The following NOC4L variants were observed in gnomAD, a reference collection of about 807,000 sequenced individuals.
The protein encoded by NOC4L is nucleolar complex associated 4 homolog.
A neutral mutation model predicts 62.8 loss-of-function variants in NOC4L; 40 were observed. The observed-to-expected ratio is 0.64, with a 90% CI of 0.49 to 0.83. The LOEUF (loss-of-function observed/expected upper bound fraction) is 0.83. Ranked by LOEUF, NOC4L falls within the 40% of genes least tolerant of loss-of-function variation. The pLI, the probability that NOC4L is intolerant of heterozygous loss-of-function variation, is 0.00. For synonymous variants in NOC4L, 433 were observed against 299.8 expected, an observed-to-expected ratio of 1.44 and a Z score of -4.59; for missense variants, 927 against 701.9, an observed-to-expected ratio of 1.32 and a Z score of -3.62.
rs1201123147 is a variant in NOC4L, at chr12:132,145,038, C to G, written c.238+64C>G. On this transcript the variant is annotated intron_variant, in intron 2 of 14. Transcript: ENST00000330579. ...CGTGGGTCGGAGGGAGGCTTTGTCA[C>G]CATGGGATGAGCGCCCCCAACCCTG... is the stretch of plus-strand genomic sequence containing the variant. The G allele has an allele frequency of 2.6e-6, 4 of 1,519,198 alleles. No individual in the cohort carries two copies. The African/African-American group carries it at 5.5e-5, about 21-fold the overall frequency. The allele number at this position is 1,519,198 out of a possible 1,614,324, so 94.1% of individuals were successfully genotyped here.
rs1488165669 is a variant in NOC4L, at chr12:132,144,507, G to C, written c.19G>C (p.Ala7Pro). 1 of 1,519,994 alleles carries C rather than the reference G, an allele frequency of 6.6e-7. No individual in the cohort carries two copies. The highest frequency in any genetic ancestry group is 1.2e-5 in the South Asian group (1 of 81,788). The allele number at this position is 1,519,994 out of a possible 1,614,324, so 94.2% of individuals were successfully genotyped here. The change falls in exon 1 of 15, where the codon GCC becomes CCC. Residue 7 changes from alanine (A) to proline (P), a missense_variant. Coordinates refer to ENST00000330579, the MANE Select transcript of NOC4L (RefSeq NM_024078.3). ...GGGCGGCATGGAGCGGGAGCCGGGC[G>C]CCGCGGGAGTTCGCCGGGCTCTGGG... The part of the protein sequence containing the change: MEREPG[A>P]AGVRRALGRR...
rs537295407 is a variant in NOC4L at position 132,146,062 on chromosome 12, C to T, written c.345+397C>T. ...TTACCGTTTAAAGCTGAGAAGTTAG[C>T]ATCTGTTACTGTGTTGTGCAGTGGT... On this transcript the variant is annotated intron_variant, in intron 3 of 14. Transcript: ENST00000330579. Among the ~76,000 whole-genome samples the T allele has an allele frequency of 4.6e-5, 7 of 152,296 alleles. No homozygotes were observed. In the East Asian group the frequency reaches 7.7e-4, roughly 17 times the overall value.
intron 10 of NOC4L, 26 bp downstream of exon 10, chr12:132,151,067 T>A (rs1897919789): frequency 6.3e-7 from 1 of 1,597,668 alleles, no homozygotes; most frequent in Admixed American, 1.7e-5. Context: ...GGTGCAGGTC[T>A]TCTTCCCAGT....
rs1314338955 is a variant in NOC4L, at chr12:132,151,779, G to A, written c.1276G>A (p.Ala426Thr). The stretch of plus-strand genomic sequence containing the variant: ...CTACGACCCTGGAGAGGAGGACCCA[G>A]CCCAGAGCCGGGCCTTGGAGAGCTC... ...DPYDPGEEDP[A>T]QSRALESSLW... The change falls in exon 13 of 15, where the codon GCC becomes ACC. Residue 426 changes from alanine (A) to threonine (T), a missense_variant. Physicochemically the swap from Ala to Thr is moderately conservative, Grantham distance 58 (BLOSUM62 0). Transcript: ENST00000330579. 6.2e-7 allele frequency: 1 copy of A among 1,612,228 alleles called. No individual in the cohort carries two copies. Among genetic ancestry groups the A allele is most frequent in the South Asian group, 1.1e-5 (1 of 91,084 alleles).
chr12:132,145,468 G>T, intron 2 of NOC4L, 91 bp from the exon 3 acceptor site: 1 of 808,746 alleles, frequency 1.2e-6, no homozygotes. Context: ...AGAAGACAAT[G>T]GGAGGGTGGA....
intron 2 of NOC4L, 34 bp downstream of exon 2, chr12:132,145,008 C>T (rs976545166): frequency 5.1e-6 from 8 of 1,562,854 alleles, no homozygotes; most frequent in Middle Eastern, 3.3e-4. Context: ...CTGCTCTTCT[C>T]TTTCCGTGGG....
chr12:132,148,816 G>A lies in NOC4L; in HGVS notation c.822G>A (p.Leu274=), dbSNP rs1456423265. The change falls in exon 9 of 15, where the codon CTG becomes CTA. Residue 274 remains leucine (L), a synonymous_variant. Transcript: ENST00000330579. ...LPLSLYKKVL[L]IVHDAILPQL... ...TCAGCCTCTACAAGAAGGTGCTGCTGATTGTGCATGACGCCATCCTGCCGC... is the reference window on the plus strand; with the variant it reads ...TCAGCCTCTACAAGAAGGTGCTGCTAATTGTGCATGACGCCATCCTGCCGC... The A allele has an allele frequency of 1.2e-6, 2 of 1,602,922 alleles. No individual in the cohort carries two copies. Among genetic ancestry groups the A allele is most frequent in the Non-Finnish European group, 1.7e-6 (2 of 1,177,736 alleles).
rs1449304674 is a variant in NOC4L at position 132,144,902 on chromosome 12, C to G, written c.166C>G (p.Leu56Val). ...GGAAGCAGTCCGCACGTGCAGCCGTCTTTTCGGGGCCTTGCTGGAGCGGGG... is the reference window on the plus strand; with the variant it reads ...GGAAGCAGTCCGCACGTGCAGCCGTGTTTTCGGGGCCTTGCTGGAGCGGGG... ...IQEAVRTCSR[L>V]FGALLERGEL... Residue 56 changes from leucine to valine, a missense_variant, in exon 2 of 15, where the codon CTT becomes GTT. Transcript: ENST00000330579. 1.2e-6 allele frequency: 2 copies of G among 1,602,260 alleles called. No individual in the cohort carries two copies. The highest frequency in any genetic ancestry group is 3.5e-5 in the Admixed American group (2 of 57,726).
In NOC4L at chr12:132,147,974, G is replaced by C; in HGVS notation, c.698G>C (p.Arg233Pro). The change falls in exon 6 of 15, where the codon CGG becomes CCG. Residue 233 changes from arginine (R) to proline (P), a missense_variant. By Grantham distance (103) the Arg-to-Pro change is moderately radical. Coordinates refer to ENST00000330579, the MANE Select transcript of NOC4L (RefSeq NM_024078.3). ...EPTVSSFYVK[R>P]AELWDTWKVA... ...ACCGTCTCCAGCTTCTATGTGAAGC[G>C]GGCGGGTGAGTGTGCTGAGAGTCAG... 6.2e-7 allele frequency: 1 copy of C among 1,610,776 alleles called. No homozygotes were observed. Among genetic ancestry groups the C allele is most frequent in the Non-Finnish European group, 8.5e-7 (1 of 1,178,900 alleles).
At position 132,152,102 on chromosome 12, in the gene NOC4L, C is replaced by A. The variant is rs1350149815; in HGVS notation, c.1336C>A (p.His446Asn). 1.2e-6 allele frequency: 2 copies of A among 1,611,926 alleles called. No homozygotes were observed. Among genetic ancestry groups the A allele is most frequent in the African/African-American group, 2.7e-5 (2 of 74,938 alleles). The change falls in exon 14 of 15, where the codon CAC (histidine) becomes AAC (asparagine). Residue 446 changes from histidine (H) to asparagine (N), a missense_variant. Physicochemically the swap from His to Asn is moderately conservative, Grantham distance 68. Coordinates refer to ENST00000330579, the MANE Select transcript of NOC4L (RefSeq NM_024078.3). ...WELQALQRHY[H>N]PEVSKAASVI... The stretch of plus-strand genomic sequence containing the variant: ...GCCCCAGGCCCTCCAGCGCCACTAC[C>A]ACCCTGAGGTGTCCAAAGCCGCCAG...
intron 4 of NOC4L, 45 bp from the exon 5 acceptor site, chr12:132,147,588 C>A: frequency 6.3e-7 from 1 of 1,598,838 alleles, no homozygotes; most frequent in Non-Finnish European, 8.5e-7. Context: ...ACCTTGCTGG[C>A]GTATGCTGGG....
intron 5 of NOC4L, 29 bp from the exon 6 acceptor site, chr12:132,147,851 C>T (rs779091480): frequency 9.9e-6 from 16 of 1,609,378 alleles, no homozygotes; most frequent in African/African-American, 9.3e-5. Context: ...TGGGGGGCGG[C>T]GTCCAGGCAC....
Position 132,144,950 on chromosome 12 carries a change from C to T in NOC4L, c.214C>T (p.Pro72Ser), listed in dbSNP as rs1354887216. ...ERGELFVGQL[P>S]SEEMVMTGSQ... Reference sequence around the variant, plus strand: ...GGGAGAGCTGTTTGTGGGCCAGCTGCCCTCTGAGGAGATGGTCATGACAGG... The same window carrying T: ...GGGAGAGCTGTTTGTGGGCCAGCTGTCCTCTGAGGAGATGGTCATGACAGG... The change falls in exon 2 of 15, where the codon CCC (proline) becomes TCC (serine). Residue 72 changes from proline (P) to serine (S), a missense_variant. Physicochemically the swap from Pro to Ser is moderately conservative, Grantham distance 74. Transcript: ENST00000330579. 7 of 1,600,092 alleles carry T rather than the reference C, an allele frequency of 4.4e-6. No homozygotes were observed. In the East Asian group the frequency reaches 9.0e-5, roughly 21 times the overall value.
rs756901482 is a variant in NOC4L, at chr12:132,151,964, C to T, written c.1318-120C>T. 1.2e-4 allele frequency: 146 copies of T among 1,234,626 alleles called. 2 individuals are homozygous for T. Among genetic ancestry groups the T allele is most frequent in the South Asian group, 1.1e-3 (83 of 74,166 alleles). The allele number at this position is 1,234,626 out of a possible 1,614,324, so 76.5% of individuals were successfully genotyped here. On this transcript the variant is annotated intron_variant, in intron 13 of 14. Transcript: ENST00000330579. ...GGGTTTGTGGGTGCTGGGTGCTTGG[C>T]CTTCTCACGTGGCTCCGTCCCGACC...
chr12:132,151,718 G>A lies in NOC4L; in HGVS notation c.1235-20G>A, dbSNP rs1872957100. The A allele has an allele frequency of 6.2e-7, 1 of 1,612,240 alleles. No individual in the cohort carries two copies. The highest frequency in any genetic ancestry group is 8.5e-7 in the Non-Finnish European group (1 of 1,179,770). On this transcript the variant is annotated intron_variant, in intron 12 of 14. Transcript: ENST00000330579. The stretch of plus-strand genomic sequence containing the variant: ...CCTGGTGCTGTGGACGGCAGACAAG[G>A]GCCCACGTCTCATTCCTAGAGTTGG...
intron 9 of NOC4L, among the ~76,000 whole-genome samples, 165 bp downstream of exon 9, chr12:132,149,060 CT>C (rs1396164027): frequency 4.1e-5 from 1 of 24,494 alleles, no homozygotes; most frequent in East Asian, 1.1e-3. Context: ...CACCACACCC[CT>C]AATCCCCTCG....
intron 7 of NOC4L, 44 bp downstream of exon 7, chr12:132,148,150 G>A (rs1301271772): frequency 1.9e-6 from 3 of 1,604,486 alleles, no homozygotes; most frequent in East Asian, 2.2e-5. Context: ...GGGTTTGGGG[G>A]TGTGTGTGGG....
rs772591655 is a variant in NOC4L at position 132,147,780 on chromosome 12, G to A, written c.601G>A (p.Glu201Lys). 1.2e-5 allele frequency: 20 copies of A among 1,612,316 alleles called. No individual in the cohort carries two copies. Among genetic ancestry groups the A allele is most frequent in the East Asian group, 6.7e-5 (3 of 44,890 alleles). The change falls in exon 5 of 15, where the codon GAG becomes AAG. Residue 201 changes from glutamate to lysine, a missense_variant and splice_region_variant. Physicochemically the swap from Glu to Lys is moderately conservative, Grantham distance 56. Coordinates refer to ENST00000330579, the MANE Select transcript of NOC4L (RefSeq NM_024078.3). The stretch of plus-strand genomic sequence containing the variant: ...GGCCCGGGTCACTGGCCAGCACCCC[G>A]AGGTGGGTGATGGGGTCCTGTCGCC... ...AVARVTGQHPEVPPAFWNNAF... is the reference protein window; with the variant it reads ...AVARVTGQHPKVPPAFWNNAF...
intron 10 of NOC4L, 57 bp from the exon 11 acceptor site, chr12:132,151,201 G>A: frequency 6.7e-7 from 1 of 1,493,084 alleles, no homozygotes; most frequent in Non-Finnish European, 9.3e-7. Context: ...CCCTGGCCTT[G>A]GAGGCCTCAG....
Sources: gnomAD v4.1 joint callset for allele counts (sites outside exome capture counted in the v4.1 genomes callset) on GRCh38, gnomAD v4.1.1 for gene constraint, MANE v1.5 for transcripts, NCBI Gene and HGNC (gene_info 2026-07-23, HGNC 2026-07-21) for gene names.